Variants in CLUAP1 observed in about 807,000 individuals in gnomAD.
The protein encoded by CLUAP1 is clusterin-associated protein 1.
CLUAP1 carries 50 observed loss-of-function variants against 55.0 expected under a neutral mutation model. The ratio of observed to expected loss-of-function variants is 0.91; its 90% CI spans 0.72 to 1.15. The LOEUF (loss-of-function observed/expected upper bound fraction) is 1.15. Among genes scored for constraint, CLUAP1 ranks in the 50% most tolerant of loss-of-function variants. The pLI is 0.00. For synonymous variants in CLUAP1, 195 were observed against 175.4 expected, an observed-to-expected ratio of 1.11 and a Z score of -0.88; for missense variants, 530 against 507.6, an observed-to-expected ratio of 1.04 and a Z score of -0.42.
At chr16:3,510,636 G>C (rs1227437070) in intron 4 of CLUAP1, among the ~76,000 whole-genome samples, 1 of 152,196 alleles carries the variant, frequency 6.6e-6, no homozygotes, top group East Asian at 1.9e-4. Context: ...GTACTCTACG[G>C]GAACCACTGG....
intron 5 of CLUAP1, among the ~76,000 whole-genome samples, chr16:3,513,919 G>T (rs2037682382): frequency 6.6e-6 from 1 of 152,200 alleles, no homozygotes; most frequent in Non-Finnish European, 1.5e-5. Context: ...GGCATACCCT[G>T]GGAGCAAACT....
In CLUAP1 at chr16:3,536,171, A is replaced by T; in HGVS notation, c.1142A>T (p.Asp381Val). ...GACATGGAAGATGATGATGACGAGGATGACGATTTGGAAGACGAGAGCATT... is the reference window on the plus strand; with the variant it reads ...GACATGGAAGATGATGATGACGAGGTTGACGATTTGGAAGACGAGAGCATT... ...EIDMEDDDDE[D>V]DDLEDESISL... Residue 381 changes from aspartate to valine, a missense_variant, in exon 12 of 12, where the codon GAT (aspartate) becomes GTT (valine). Physicochemically the swap from Asp to Val is radical, Grantham distance 152. Coordinates refer to ENST00000576634, the MANE Select transcript of CLUAP1 (RefSeq NM_015041.3). 1.2e-5 allele frequency: 19 copies of T among 1,614,170 alleles called. No individual in the cohort carries two copies. Among genetic ancestry groups the T allele is most frequent in the Non-Finnish European group, 1.6e-5 (19 of 1,180,034 alleles).
At chr16:3,505,256 C>T (rs994683021) in intron 2 of CLUAP1, among the ~76,000 whole-genome samples, 4 of 152,260 alleles carry the variant, frequency 2.6e-5, no homozygotes, top group Admixed American at 6.5e-5. Context: ...TCAGGCCGGG[C>T]GCAGTGGCTC....
chr16:3,515,219 C>A (rs1385636924), intron 5 of CLUAP1, among the ~76,000 whole-genome samples: 4 of 151,634 alleles, frequency 2.6e-5, no homozygotes, highest in Non-Finnish European at 5.9e-5. Context: ...GAAGCAGCAG[C>A]AAATTTGGGA....
chr16:3,527,377 G>C (rs947509564), intron 9 of CLUAP1, among the ~76,000 whole-genome samples: 1 of 152,120 alleles, frequency 6.6e-6, no homozygotes, highest in Admixed American at 6.5e-5. Flanking sequence ...GAAGACAAGA[G>C]TGCAAACCTT....
rs184961075 is a variant in CLUAP1 at position 3,519,530 on chromosome 16, C to G, written c.580-373C>G. 4.4e-3 allele frequency among the ~76,000 whole-genome samples: 672 copies of G among 152,250 alleles called. 3 individuals are homozygous for G. Among genetic ancestry groups the G allele is most frequent in the Non-Finnish European group, 7.2e-3 (487 of 68,014 alleles). On this transcript the variant is annotated intron_variant, in intron 6 of 11. Coordinates refer to ENST00000576634, the MANE Select transcript of CLUAP1 (RefSeq NM_015041.3). ...CGGGTGTTTGTAACTAGGGGCATGG[C>G]CCGAATGATAAAAAGGCAGACTGAC...
At chr16:3,525,265 A>T (rs1423454380) in intron 8 of CLUAP1, among the ~76,000 whole-genome samples, 1 of 152,112 alleles carries the variant, frequency 6.6e-6, no homozygotes, top group Non-Finnish European at 1.5e-5. Flanking sequence ...AACGTTGGCC[A>T]TTTTTTTGTA....
At chr16:3,496,836 C>G (rs562682842), upstream of CLUAP1, 6 of 300,262 alleles carry the variant, frequency 2.0e-5, no homozygotes, top group South Asian at 1.8e-4. Flanking sequence ...TCAATTTTCT[C>G]TTGTCACAGA....
Position 3,529,488 on chromosome 16 carries a change from AATTAT to A in CLUAP1, c.929-1067_929-1063del, listed in dbSNP as rs1200829877. Reference sequence around the variant, plus strand: ...ATATATATTATATTATATATTATATAATTATATTATATTATATATATTATATAATT... The same window carrying A: ...ATATATATTATATTATATATTATATAATTATATTATATATATTATATAATT... On this transcript the variant is annotated intron_variant, in intron 9 of 11. Transcript: ENST00000576634. 2.7e-3 allele frequency among the ~76,000 whole-genome samples: 215 copies of A among 79,578 alleles called. 5 individuals are homozygous for A. The highest frequency in any genetic ancestry group is 0.01 in the African/African-American group (193 of 19,224). 52.2% of individuals were successfully genotyped at this position (79,578 alleles called of 152,430 possible).
intron 9 of CLUAP1, among the ~76,000 whole-genome samples, chr16:3,527,080 T>G (rs1373598534): frequency 6.6e-6 from 1 of 152,186 alleles, no homozygotes; most frequent in Non-Finnish European, 1.5e-5. Flanking sequence ...AGGAGCTCTC[T>G]GTGACCAGGC....
At position 3,501,028 on chromosome 16, in the gene CLUAP1, C is replaced by A. The variant is rs761143695; in HGVS notation, c.-40C>A. On this transcript the variant is annotated 5_prime_UTR_variant, in exon 1 of 12. Transcript: ENST00000576634. The stretch of plus-strand genomic sequence containing the variant: ...CGCTGGGCCTGTGATCGCTGAGGGG[C>A]GAGCAGTTGCGACCCTGGGCTCCTG... 1.3e-6 allele frequency: 2 copies of A among 1,591,120 alleles called. No homozygotes were observed. Among genetic ancestry groups the A allele is most frequent in the Non-Finnish European group, 1.7e-6 (2 of 1,171,274 alleles).
intron 11 of CLUAP1, chr16:3,533,241 C>T: frequency 9.5e-7 from 1 of 1,053,182 alleles, no homozygotes; most frequent in South Asian, 1.4e-5. Flanking sequence ...AGGAGTGATG[C>T]TTCCTCTCTC....
intron 4 of CLUAP1, 82 bp downstream of exon 4, chr16:3,508,550 C>A (rs766360231): frequency 2.5e-5 from 32 of 1,273,740 alleles, no homozygotes; most frequent in Non-Finnish European, 3.4e-5. Context: ...GCTACAGCTC[C>A]GCTGCTTTTC....
At chr16:3,515,970 T>C (rs973236897) in intron 6 of CLUAP1, among the ~76,000 whole-genome samples, 2 of 152,236 alleles carry the variant, frequency 1.3e-5, no homozygotes, top group African/African-American at 4.8e-5. Context: ...AGGATCACTA[T>C]TGTTTACTGC....
At chr16:3,510,975 T>C (rs1207756947) in intron 4 of CLUAP1, among the ~76,000 whole-genome samples, 1 of 152,090 alleles carries the variant, frequency 6.6e-6, no homozygotes, top group African/African-American at 2.4e-5. Flanking sequence ...TATTAAAGCC[T>C]TGAGGGTAGG....
At chr16:3,500,607 G>C (rs1309264165), upstream of CLUAP1, among the ~76,000 whole-genome samples, 2 of 152,186 alleles carry the variant, frequency 1.3e-5, no homozygotes, top group African/African-American at 4.8e-5. Context: ...CTGACCTCAA[G>C]TGATCCGCCC....
chr16:3,500,145 C>T (rs2037358878), upstream of CLUAP1, among the ~76,000 whole-genome samples: 1 of 152,238 alleles, frequency 6.6e-6, no homozygotes, highest in African/African-American at 2.4e-5. Flanking sequence ...TCCTCGCGCC[C>T]CCATGCAGAG....
chr16:3,524,426 C>A (rs1050993192), intron 8 of CLUAP1, among the ~76,000 whole-genome samples: 2 of 151,118 alleles, frequency 1.3e-5, no homozygotes, highest in Non-Finnish European at 2.9e-5. Flanking sequence ...ATGGTGAAAC[C>A]CCGTCTACTA....
intron 8 of CLUAP1, among the ~76,000 whole-genome samples, chr16:3,525,623 G>C (rs1385888860): frequency 1.3e-5 from 2 of 151,998 alleles, no homozygotes; most frequent in African/African-American, 2.4e-5. Flanking sequence ...GGAGGGCAGG[G>C]TGTGATTATA....
Sources: gnomAD v4.1 joint callset for allele counts (sites outside exome capture counted in the v4.1 genomes callset) on GRCh38, gnomAD v4.1.1 for gene constraint, MANE v1.5 for transcripts, NCBI Gene and HGNC (gene_info 2026-07-23, HGNC 2026-07-21) for gene names.